Variants in APP observed in about 807,000 individuals in gnomAD.
APP encodes amyloid beta precursor protein, also known as amyloid-beta precursor protein.
In APP, 31 loss-of-function variants were observed where a neutral mutation model predicts 101.4. The ratio of observed to expected loss-of-function variants is 0.31; its 90% CI spans 0.23 to 0.41. The LOEUF is 0.41. APP is among the 10% of genes least tolerant of loss of function. The pLI, the probability that APP is intolerant of heterozygous loss-of-function variation, is 1.00. For synonymous variants in APP, 366 were observed against 364.4 expected, an observed-to-expected ratio of 1.00 and a Z score of -0.05; for missense variants, 839 against 1,003.7, an observed-to-expected ratio of 0.84 and a Z score of 2.22.
At chr21:25,979,586 T>C (rs2042347771) in intron 9 of APP, among the ~76,000 whole-genome samples, 1 of 152,102 alleles carries the variant, frequency 6.6e-6, no homozygotes, top group South Asian at 2.1e-4. Flanking sequence ...TGGGACAACA[T>C]CTCTTAGGTT....
intron 1 of APP, among the ~76,000 whole-genome samples, chr21:26,113,743 G>C (rs1431457942): frequency 2.0e-5 from 3 of 152,178 alleles, no homozygotes; most frequent in African/African-American, 7.2e-5. Context: ...AAAGCAGCAG[G>C]CTAAGTAGAA....
intron 17 of APP, among the ~76,000 whole-genome samples, chr21:25,883,450 G>A (rs1437890436): frequency 6.6e-6 from 1 of 151,766 alleles, no homozygotes; most frequent in African/African-American, 2.4e-5. Context: ...CAGCCCTTTT[G>A]GGAGGCCAAG....
chr21:26,057,191 C>T (rs1426230238), intron 3 of APP, among the ~76,000 whole-genome samples: 1 of 152,132 alleles, frequency 6.6e-6, no homozygotes, highest in Non-Finnish European at 1.5e-5. Context: ...TCCACAGCCA[C>T]GTATACCTTA....
intron 11 of APP, among the ~76,000 whole-genome samples, chr21:25,961,012 A>T (rs2041556397): frequency 6.6e-6 from 1 of 152,212 alleles, no homozygotes; most frequent in Non-Finnish European, 1.5e-5. Context: ...TAAGAAAGAA[A>T]AAACACAGGT....
chr21:26,092,231 C>T (rs998499766), intron 2 of APP, among the ~76,000 whole-genome samples: 1 of 152,100 alleles, frequency 6.6e-6, no homozygotes, highest in Non-Finnish European at 1.5e-5. Context: ...TTGTTTACCT[C>T]ACCTTAGTCC....
At chr21:26,024,575 A>G (rs2044487527) in intron 5 of APP, among the ~76,000 whole-genome samples, 1 of 152,230 alleles carries the variant, frequency 6.6e-6, no homozygotes, top group African/African-American at 2.4e-5. Flanking sequence ...TTCAAAGTCT[A>G]ACAGGACCGC....
intron 1 of APP, among the ~76,000 whole-genome samples, chr21:26,136,014 C>G (rs1034628831): frequency 1.3e-5 from 2 of 150,988 alleles, no homozygotes; most frequent in Non-Finnish European, 2.9e-5. Flanking sequence ...CACCTGTAAT[C>G]CAGCTACTCA....
intron 2 of APP, among the ~76,000 whole-genome samples, chr21:26,098,755 T>G (rs889005021): frequency 2.0e-5 from 3 of 152,364 alleles, no homozygotes; most frequent in African/African-American, 7.2e-5. Context: ...AAATTCACCT[T>G]TAGCCAAATT....
At chr21:26,168,930 C>A (rs1260513994) in intron 1 of APP, among the ~76,000 whole-genome samples, 1 of 152,112 alleles carries the variant, frequency 6.6e-6, no homozygotes, top group Non-Finnish European at 1.5e-5. Flanking sequence ...GTCTGTACAG[C>A]CTCAGTGGAA....
At position 26,024,708 on chromosome 21, in the gene APP, G is replaced by T. The variant is rs2044493196; in HGVS notation, c.663-2666C>A. ...TGTTACACAAGTTGTATAAAGATGTGTATGATCCCCATGGAACACCTGACT... is the reference window on the plus strand; with the variant it reads ...TGTTACACAAGTTGTATAAAGATGTTTATGATCCCCATGGAACACCTGACT... On this transcript the variant is annotated intron_variant, in intron 5 of 17. Coordinates refer to ENST00000346798, the MANE Select transcript of APP (RefSeq NM_000484.4). 2.0e-5 allele frequency among the ~76,000 whole-genome samples: 3 copies of T among 152,154 alleles called. No individual in the cohort carries two copies. In the East Asian group the frequency reaches 5.8e-4, roughly 29 times the overall value.
chr21:25,974,381 T>C (rs2042149030), intron 11 of APP, among the ~76,000 whole-genome samples: 1 of 152,110 alleles, frequency 6.6e-6, no homozygotes, highest in African/African-American at 2.4e-5. Flanking sequence ...TAAGCCACAG[T>C]GTGATGCTAT....
chr21:26,028,058 T>C (rs1297597509), intron 5 of APP, among the ~76,000 whole-genome samples: 6 of 150,330 alleles, frequency 4.0e-5, no homozygotes, highest in Non-Finnish European at 7.4e-5. Flanking sequence ...TAGCTGGACG[T>C]GGGGGTGCAC....
At chr21:26,020,393 G>A (rs536238035) in intron 6 of APP, among the ~76,000 whole-genome samples, 14 of 152,230 alleles carry the variant, frequency 9.2e-5, no homozygotes, top group African/African-American at 2.4e-4. Context: ...TCTTAAAGCC[G>A]CTGAATTATA....
Position 26,053,380 on chromosome 21 carries a change from C to T in APP, c.356-32G>A, listed in dbSNP as rs758747126. On this transcript the variant is annotated intron_variant, in intron 3 of 17. Coordinates refer to ENST00000346798, the MANE Select transcript of APP (RefSeq NM_000484.4). ...GAAAGGAAAACCACTTCCCGTCATT[C>T]CATCTGTATCACAGTGTTCTTACCG... 3.6e-6 allele frequency: 5 copies of T among 1,402,808 alleles called. No individual in the cohort carries two copies. In the Middle Eastern group the frequency reaches 5.3e-4, roughly 149 times the overall value. The allele number at this position is 1,402,808 out of a possible 1,614,324, so 86.9% of individuals were successfully genotyped here.
intron 8 of APP, among the ~76,000 whole-genome samples, chr21:25,986,853 T>C (rs1170744251): frequency 1.3e-5 from 2 of 152,246 alleles, no homozygotes; most frequent in Non-Finnish European, 2.9e-5. Flanking sequence ...ATGTTCTGTG[T>C]TCTCGTTTAA....
At chr21:25,989,144 G>A (rs2042759340) in intron 8 of APP, among the ~76,000 whole-genome samples, 1 of 152,194 alleles carries the variant, frequency 6.6e-6, no homozygotes, top group African/African-American at 2.4e-5. Flanking sequence ...TGAGAAAACT[G>A]TTAGCATTTG....
At chr21:26,082,509 A>G (rs578022610) in intron 3 of APP, among the ~76,000 whole-genome samples, 1 of 152,222 alleles carries the variant, frequency 6.6e-6, no homozygotes, top group South Asian at 2.1e-4. Flanking sequence ...TTATAAAATA[A>G]TAGTATTCAT....
At position 26,169,835 on chromosome 21, in the gene APP, G is replaced by A. The variant is rs779296365; in HGVS notation, c.57+729C>T. On this transcript the variant is annotated intron_variant, in intron 1 of 17. Coordinates refer to ENST00000346798, the MANE Select transcript of APP (RefSeq NM_000484.4). Reference sequence around the variant, plus strand: ...CGGGACGTCCAGACTTGGGGAAGGCGCGGGGTGGCTATGGGTCTCCGACCC... The same window carrying A: ...CGGGACGTCCAGACTTGGGGAAGGCACGGGGTGGCTATGGGTCTCCGACCC... Among the ~76,000 whole-genome samples, 8 of 152,358 alleles carry A rather than the reference G, an allele frequency of 5.3e-5. No homozygotes were observed. In the East Asian group the frequency reaches 9.7e-4, roughly 18 times the overall value.
At chr21:26,002,513 T>C (rs1474880180) in intron 6 of APP, among the ~76,000 whole-genome samples, 1 of 152,250 alleles carries the variant, frequency 6.6e-6, no homozygotes, top group South Asian at 2.1e-4. Context: ...CATATTCATG[T>C]CACATGCTCT....
Sources: allele counts gnomAD v4.1 joint callset (sites outside exome capture counted in the v4.1 genomes callset), GRCh38; gene constraint gnomAD v4.1.1; transcripts MANE v1.5; gene names NCBI Gene and HGNC (gene_info 2026-07-23, HGNC 2026-07-21).